Variants in DPYSL3 observed in about 807,000 individuals in gnomAD.
DPYSL3 encodes dihydropyrimidinase-related protein 3.
DPYSL3 carries 16 observed loss-of-function variants against 66.1 expected under a neutral mutation model. The observed-to-expected ratio is 0.24, with a 90% CI of 0.16 to 0.37. The LOEUF (loss-of-function observed/expected upper bound fraction) is 0.37. DPYSL3 is among the 10% of genes least tolerant of loss of function. The pLI, the probability that DPYSL3 is intolerant of heterozygous loss-of-function variation, is 1.00. For synonymous variants in DPYSL3, 338 were observed against 345.1 expected (o/e 0.98, Z 0.23); for missense variants, 738 against 916.2 (o/e 0.81, Z 2.51).
At chr5:147,397,640 C>G (rs1356913012) in intron 12 of DPYSL3, 26 bp downstream of exon 12, 1 of 1,602,424 alleles carries the variant, frequency 6.2e-7, no homozygotes, top group South Asian at 1.1e-5. Context: ...GCTCCTGCAC[C>G]ACCTCAGAGC....
chr5:147,418,546 C>T lies in DPYSL3; in HGVS notation c.556G>A (p.Val186Ile). The T allele has an allele frequency of 1.2e-6, 2 of 1,613,404 alleles. No individual in the cohort carries two copies. Among genetic ancestry groups the T allele is most frequent in the South Asian group, 2.2e-5 (2 of 90,848 alleles). The change falls in exon 3 of 14, where the codon GTC (valine) becomes ATC (isoleucine). Residue 186 changes from valine (V) to isoleucine (I), a missense_variant. Val to Ile is a conservative substitution (Grantham distance 29). Transcript: ENST00000343218. Reference sequence around the variant, plus strand: ...TATGGCATCTGGAAGTGAGTATGGACATCGATGCCTCCAGGGATCACCATC... The same window carrying T: ...TATGGCATCTGGAAGTGAGTATGGATATCGATGCCTCCAGGGATCACCATC... ...GKMVIPGGID[V>I]HTHFQMPYKG...
intron 1 of DPYSL3, among the ~76,000 whole-genome samples, chr5:147,498,760 A>G (rs1561806933): frequency 1.3e-5 from 2 of 152,000 alleles, no homozygotes; most frequent in African/African-American, 4.8e-5. Flanking sequence ...AATAGACATG[A>G]ACACATGTCC....
chr5:147,497,315 G>A (rs1278541297), intron 1 of DPYSL3, among the ~76,000 whole-genome samples: 1 of 151,858 alleles, frequency 6.6e-6, no homozygotes, highest in Non-Finnish European at 1.5e-5. Context: ...ACGAGTTAAT[G>A]GGTGCAGCAT....
chr5:147,505,423 C>A (rs150488796), intron 1 of DPYSL3, among the ~76,000 whole-genome samples: 1 of 152,004 alleles, frequency 6.6e-6, no homozygotes, highest in African/African-American at 2.4e-5. Context: ...TTAGTAGAGA[C>A]GGGGGTTTCA....
chr5:147,401,699 A>G lies in DPYSL3; in HGVS notation c.1154-3T>C, dbSNP rs775433752. 1 of 1,613,952 alleles carries G rather than the reference A, an allele frequency of 6.2e-7. No individual in the cohort carries two copies. Among genetic ancestry groups the G allele is most frequent in the Admixed American group, 1.7e-5 (1 of 60,002 alleles). ...GGGCTCACCAAAGACTACATTTCCT[A>G]GAAGGGGCAGGAAACAGACAAGGGG... On this transcript the variant is annotated splice_region_variant and splice_polypyrimidine_tract_variant and intron_variant, in intron 8 of 13. Coordinates refer to ENST00000343218, the MANE Select transcript of DPYSL3 (RefSeq NM_001197294.2).
chr5:147,459,885 C>T (rs901889695), intron 1 of DPYSL3, among the ~76,000 whole-genome samples: 2 of 152,098 alleles, frequency 1.3e-5, no homozygotes, highest in Non-Finnish European at 2.9e-5. Flanking sequence ...CAGAGGTGGG[C>T]GGGTCATGAG....
intron 1 of DPYSL3, among the ~76,000 whole-genome samples, chr5:147,470,659 C>T (rs2126422768): frequency 6.6e-6 from 1 of 152,254 alleles, no homozygotes; most frequent in East Asian, 1.9e-4. Context: ...CTCTTCACTC[C>T]TAACTTGCAT....
intron 9 of DPYSL3, 56 bp downstream of exon 9, chr5:147,401,484 C>T (rs549468800): frequency 1.8e-4 from 281 of 1,536,436 alleles, no homozygotes; most frequent in Non-Finnish European, 2.3e-4. Context: ...CAACCCCCAG[C>T]TGGACTCAAG....
At chr5:147,404,822 C>T (rs891947) in intron 8 of DPYSL3, among the ~76,000 whole-genome samples, 7,695 of 152,172 alleles carry the variant, frequency 0.051, 667 homozygotes, top group African/African-American at 0.18. Flanking sequence ...TTTGGAGACC[C>T]ACTCAACCCC....
intron 1 of DPYSL3, among the ~76,000 whole-genome samples, chr5:147,505,255 G>A (rs1451222608): frequency 1.4e-5 from 2 of 147,578 alleles, no homozygotes; most frequent in Admixed American, 6.8e-5. Flanking sequence ...TTTTTTTTGA[G>A]ACGGAGTCTC....
intron 1 of DPYSL3, chr5:147,453,404 C>A (rs943096739): frequency 1.3e-5 from 17 of 1,276,508 alleles, no homozygotes; most frequent in Non-Finnish European, 1.6e-5. Context: ...GGACTGACCG[C>A]CGCGCTCCGC....
At chr5:147,430,135 A>C (rs1054242360) in intron 1 of DPYSL3, among the ~76,000 whole-genome samples, 32 of 152,192 alleles carry the variant, frequency 2.1e-4, no homozygotes, top group African/African-American at 7.2e-4. Flanking sequence ...AAAAAGAGAG[A>C]GAGAAAGCAA....
intron 1 of DPYSL3, among the ~76,000 whole-genome samples, chr5:147,490,364 A>G (rs2126446308): frequency 6.6e-6 from 1 of 152,368 alleles, no homozygotes; most frequent in East Asian, 1.9e-4. Flanking sequence ...TAATAACAAA[A>G]GAAGAGAAGG....
chr5:147,480,981 C>A (rs943533852), intron 1 of DPYSL3, among the ~76,000 whole-genome samples: 1 of 152,098 alleles, frequency 6.6e-6, no homozygotes, highest in African/African-American at 2.4e-5. Flanking sequence ...CTTGGCCTCC[C>A]AAAGTGCTGG....
At chr5:147,431,322 C>T (rs996460722) in intron 1 of DPYSL3, among the ~76,000 whole-genome samples, 1 of 151,992 alleles carries the variant, frequency 6.6e-6, no homozygotes, top group African/African-American at 2.4e-5. Context: ...AAATATGTTG[C>T]CTTGGGTGAG....
At chr5:147,493,163 A>T (rs1349391273) in intron 1 of DPYSL3, among the ~76,000 whole-genome samples, 1 of 152,256 alleles carries the variant, frequency 6.6e-6, no homozygotes, top group African/African-American at 2.4e-5. Flanking sequence ...CTCAATGTGT[A>T]TGTGTCAAAC....
chr5:147,415,843 C>T lies in DPYSL3; in HGVS notation c.686G>A (p.Ser229Asn), dbSNP rs1251865507. 2 of 1,614,034 alleles carry T rather than the reference C, an allele frequency of 1.2e-6. No homozygotes were observed. The highest frequency in any genetic ancestry group is 4.5e-5 in the East Asian group (2 of 44,850). Reference sequence around the variant, plus strand: ...CCATTTCTCATAGGCCTCAGTCAGGCTGGACTCAGGCTCAGGCACCACATG... The same window carrying T: ...CCATTTCTCATAGGCCTCAGTCAGGTTGGACTCAGGCTCAGGCACCACATG... ...IDHVVPEPES[S>N]LTEAYEKWRE... The change falls in exon 4 of 14, where the codon AGC (serine) becomes AAC (asparagine). Residue 229 changes from serine to asparagine, a missense_variant. Transcript: ENST00000343218.
intron 1 of DPYSL3, among the ~76,000 whole-genome samples, chr5:147,462,720 T>A (rs77537743): frequency 6.6e-6 from 1 of 152,074 alleles, no homozygotes; most frequent in African/African-American, 2.4e-5. Flanking sequence ...AAGTGTTCTG[T>A]AACAGATTTG....
At position 147,415,828 on chromosome 5, in the gene DPYSL3, T is replaced by C. The variant is rs572434542; in HGVS notation, c.701A>G (p.Tyr234Cys). The C allele has an allele frequency of 2.2e-5, 35 of 1,614,092 alleles. No individual in the cohort carries two copies. The East Asian group carries it at 4.5e-4, about 21-fold the overall frequency. Residue 234 changes from tyrosine (Y) to cysteine (C), a missense_variant, in exon 4 of 14, where the codon TAT becomes TGT. By Grantham distance (194) the Tyr-to-Cys change is radical. Transcript: ENST00000343218. ...PEPESSLTEA[Y>C]EKWREWADGK... ...ATCAGCCCACTCTCTCCATTTCTCA[T>C]AGGCCTCAGTCAGGCTGGACTCAGG...
Sources: allele counts gnomAD v4.1 joint callset (sites outside exome capture counted in the v4.1 genomes callset), GRCh38; gene constraint gnomAD v4.1.1; transcripts MANE v1.5; gene names NCBI Gene and HGNC (gene_info 2026-07-23, HGNC 2026-07-21).